The following ANKHD1 variants were observed in gnomAD, a reference collection of about 807,000 sequenced individuals.
The protein encoded by ANKHD1 is ankyrin repeat and KH domain-containing protein 1.
ANKHD1 carries 31 observed loss-of-function variants against 230.5 expected under a neutral mutation model. That is an observed-to-expected ratio of 0.13 (90% CI 0.10 to 0.18). The LOEUF is 0.18. ANKHD1 is among the 10% of genes least tolerant of loss of function. ANKHD1 has a pLI of 1.00. For missense variants in ANKHD1, 2,256 were observed against 3,071.3 expected, an observed-to-expected ratio of 0.73 and a Z score of 6.27; for synonymous variants, 1,074 against 1,117.6, an observed-to-expected ratio of 0.96 and a Z score of 0.78.
chr5:140,496,590 C>A lies in ANKHD1; in HGVS notation c.2316C>A (p.Tyr772Ter). The change falls in exon 15 of 34, where the codon TAC becomes TAA. Residue 772 changes from tyrosine (Y) to a stop codon, truncating the protein, a stop_gained. Transcript: ENST00000360839. LOFTEE classifies it high-confidence loss of function. ...ACCTACTGCCATCTTTTCACCCATA[C>A]CAGCCTTTGGAGTGCATAGTAGAGG... is the stretch of plus-strand genomic sequence containing the variant. ...DQDLLPSFHP[Y>*]QPLECIVEET... 1 of 1,612,608 alleles carries A rather than the reference C, an allele frequency of 6.2e-7. No homozygotes were observed. Among genetic ancestry groups the A allele is most frequent in the Non-Finnish European group, 8.5e-7 (1 of 1,179,796 alleles).
chr5:140,538,689 T>C (rs1754183017), intron 32 of ANKHD1, among the ~76,000 whole-genome samples: 1 of 152,248 alleles, frequency 6.6e-6, no homozygotes, highest in Non-Finnish European at 1.5e-5. Flanking sequence ...AATTTCCTGA[T>C]GATTTCATAT....
At chr5:140,465,798 A>G (rs983452788) in intron 10 of ANKHD1, among the ~76,000 whole-genome samples, 3 of 152,172 alleles carry the variant, frequency 2.0e-5, no homozygotes, top group East Asian at 1.9e-4. Flanking sequence ...CCTATCAGTT[A>G]TAATTTTTGG....
intron 5 of ANKHD1, among the ~76,000 whole-genome samples, chr5:140,443,768 C>T (rs1215888763): frequency 6.6e-6 from 1 of 151,652 alleles, no homozygotes; most frequent in African/African-American, 2.4e-5. Context: ...TCTTGGTGAT[C>T]ATCAAATTCA....
chr5:140,505,129 G>A lies in ANKHD1; in HGVS notation c.3158G>A (p.Ser1053Asn), dbSNP rs772181831. 21 of 1,613,830 alleles carry A rather than the reference G, an allele frequency of 1.3e-5. No individual in the cohort carries two copies. The highest frequency in any genetic ancestry group is 1.7e-5 in the Non-Finnish European group (20 of 1,179,966). The change falls in exon 17 of 34, where the codon AGC (serine) becomes AAC (asparagine). Residue 1053 changes from serine to asparagine, a missense_variant. Physicochemically the swap from Ser to Asn is conservative, Grantham distance 46. Around this residue, in one of 13 missense-constraint regions of ANKHD1, gnomAD observed 63 missense variants for 125.5 expected, o/e 0.50. Coordinates refer to ENST00000360839, the MANE Select transcript of ANKHD1 (RefSeq NM_017747.3). Reference sequence around the variant, plus strand: ...ATTTTTTTCTTCTCCTAGACTGAGAGCAATCATGACACAGCATTAACACTA... The same window carrying A: ...ATTTTTTTCTTCTCCTAGACTGAGAACAATCATGACACAGCATTAACACTA... Reference protein sequence around the residue: ...PSVDIDAHTESNHDTALTLAC... With the variant: ...PSVDIDAHTENNHDTALTLAC...
At chr5:140,452,766 G>GA (rs1774853143) in intron 7 of ANKHD1, among the ~76,000 whole-genome samples, 1 of 152,038 alleles carries the variant, frequency 6.6e-6, no homozygotes, top group Admixed American at 6.6e-5. Flanking sequence ...CAAAGATGGG[G>GA]AAAAAACAGA....
At chr5:140,476,489 C>T (rs929108286) in intron 10 of ANKHD1, among the ~76,000 whole-genome samples, 2 of 151,910 alleles carry the variant, frequency 1.3e-5, no homozygotes, top group Admixed American at 1.3e-4. Flanking sequence ...AAAAAACAAC[C>T]ATCAAAGTTT....
At chr5:140,443,735 GT>G (rs1263560054) in intron 5 of ANKHD1, among the ~76,000 whole-genome samples, 1 of 151,520 alleles carries the variant, frequency 6.6e-6, no homozygotes, top group African/African-American at 2.4e-5. Flanking sequence ...CAACAAGGAA[GT>G]TTTAAATTTC....
chr5:140,424,585 A>T (rs552977064), intron 1 of ANKHD1, among the ~76,000 whole-genome samples: 1 of 152,252 alleles, frequency 6.6e-6, no homozygotes, highest in Non-Finnish European at 1.5e-5. Flanking sequence ...GCCAAATCCT[A>T]AATAACTATA....
Position 140,527,660 on chromosome 5 carries a change from CTG to C in ANKHD1, c.5088-212_5088-211del, listed in dbSNP as rs1163428852. Among the ~76,000 whole-genome samples the C allele has an allele frequency of 6.6e-6, 1 of 152,128 alleles. No homozygotes were observed. The highest frequency in any genetic ancestry group is 1.5e-5 in the Non-Finnish European group (1 of 68,024). On this transcript the variant is annotated intron_variant, in intron 27 of 33. Coordinates refer to ENST00000360839, the MANE Select transcript of ANKHD1 (RefSeq NM_017747.3). The surrounding 1 kb of genome is among the most constrained non-coding windows in gnomAD (Gnocchi z 4.5). ...AGTGTAATTTTTAAAATTAGGTTCTCTGAAACTGCAGAGCAATGTAATTTTTA... is the reference window on the plus strand; with the variant it reads ...AGTGTAATTTTTAAAATTAGGTTCTCAAACTGCAGAGCAATGTAATTTTTA...
At chr5:140,518,633 T>G (rs910490286) in intron 24 of ANKHD1, among the ~76,000 whole-genome samples, 1 of 151,406 alleles carries the variant, frequency 6.6e-6, no homozygotes, top group Non-Finnish European at 1.5e-5. Flanking sequence ...GCTGGTTCAG[T>G]ATACGCAAAT....
rs1487344911 is a variant in ANKHD1, at chr5:140,526,426, T to C, written c.4923T>C (p.Thr1641=). Residue 1641 remains threonine (T), a synonymous_variant, in exon 26 of 34, where the codon ACT becomes ACC. Transcript: ENST00000360839. The part of the protein sequence containing the change: ...HSQEEKTSTA[T]SKTQTRLEGE... Reference sequence around the variant, plus strand: ...AAGAAGAAAAGACAAGTACTGCTACTTCCAAAACTCAGACACGGTAAATTT... The same window carrying C: ...AAGAAGAAAAGACAAGTACTGCTACCTCCAAAACTCAGACACGGTAAATTT... 2.5e-6 allele frequency: 4 copies of C among 1,609,428 alleles called. No individual in the cohort carries two copies. The African/African-American group carries it at 5.4e-5, about 22-fold the overall frequency.
chr5:140,510,810 TCTG>T (rs1315509577), intron 22 of ANKHD1, among the ~76,000 whole-genome samples: 1 of 151,728 alleles, frequency 6.6e-6, no homozygotes, highest in Admixed American at 6.7e-5. Flanking sequence ...TACTGTATCT[TCTG>T]TGTGCGTGTG....
At chr5:140,433,075 G>C in intron 1 of ANKHD1, among the ~76,000 whole-genome samples, 1 of 148,134 alleles carries the variant, frequency 6.8e-6, no homozygotes, top group African/African-American at 2.5e-5. Context: ...AAAAAAAAAC[G>C]GGGGTTTCTT....
intron 24 of ANKHD1, among the ~76,000 whole-genome samples, chr5:140,516,310 C>G (rs1304777072): frequency 1.3e-5 from 2 of 152,182 alleles, no homozygotes; most frequent in Non-Finnish European, 2.9e-5. Flanking sequence ...AAGACCAAAT[C>G]TACGTCTGAT....
In ANKHD1 at chr5:140,512,918, G is replaced by C; in HGVS notation, c.4195G>C (p.Asp1399His). ...ECMRYIATITDKELLKKCHQC... is the reference protein window; with the variant it reads ...ECMRYIATITHKELLKKCHQC... Reference sequence around the variant, plus strand: ...CATGAGATACATAGCAACAATTACAGATAAGGTAAGTTTAATATGCTACTG... The same window carrying C: ...CATGAGATACATAGCAACAATTACACATAAGGTAAGTTTAATATGCTACTG... The change falls in exon 23 of 34, where the codon GAT becomes CAT. Residue 1399 changes from aspartate (D) to histidine (H), a missense_variant. Coordinates refer to ENST00000360839, the MANE Select transcript of ANKHD1 (RefSeq NM_017747.3). The C allele has an allele frequency of 6.3e-7, 1 of 1,592,016 alleles. No homozygotes were observed. Among genetic ancestry groups the C allele is most frequent in the South Asian group, 1.2e-5 (1 of 85,864 alleles).
chr5:140,462,084 TTTTG>T (rs1331850488), intron 9 of ANKHD1, among the ~76,000 whole-genome samples: 2 of 152,262 alleles, frequency 1.3e-5, no homozygotes, highest in East Asian at 3.9e-4. Flanking sequence ...ATTGCTATGA[TTTTG>T]TTTAACTTGT....
chr5:140,471,917 A>G (rs1776523240), intron 10 of ANKHD1, among the ~76,000 whole-genome samples: 1 of 152,158 alleles, frequency 6.6e-6, no homozygotes, highest in Non-Finnish European at 1.5e-5. Context: ...TTCTTTGGTT[A>G]GATATTTTTA....
chr5:140,472,001 C>T (rs1344509785), intron 10 of ANKHD1, among the ~76,000 whole-genome samples: 1 of 151,978 alleles, frequency 6.6e-6, no homozygotes, highest in African/African-American at 2.4e-5. Flanking sequence ...AGAAATATTT[C>T]TACATATATT....
At chr5:140,538,836 G>T (rs986148416) in intron 32 of ANKHD1, 83 bp from the exon 33 acceptor site, 8 of 1,316,876 alleles carry the variant, frequency 6.1e-6, no homozygotes, top group African/African-American at 1.5e-5. Flanking sequence ...TATTAGAGAA[G>T]TCTAAGCTGG....
Sources: gnomAD v4.1 joint callset for allele counts (sites outside exome capture counted in the v4.1 genomes callset) on GRCh38, gnomAD v4.1.1 for gene constraint, gnomAD v4.1.1 regional missense constraint, Gnocchi (gnomAD v3.1) non-coding constraint, MANE v1.5 for transcripts, NCBI Gene and HGNC (gene_info 2026-07-23, HGNC 2026-07-21) for gene names.